IMMP2L: variants seen among roughly 807,000 people sequenced by gnomAD.
IMMP2L encodes the protein mitochondrial inner membrane protease subunit 2.
In IMMP2L, 18 loss-of-function variants were observed where a neutral mutation model predicts 19.3. That is an observed-to-expected ratio of 0.93 (90% CI 0.64 to 1.38). The LOEUF is 1.38. Among genes scored for constraint, IMMP2L ranks in the 40% most tolerant of loss-of-function variants. IMMP2L has a pLI of 0.00. For synonymous variants in IMMP2L, 76 were observed against 73.0 expected, an observed-to-expected ratio of 1.04 and a Z score of -0.21; for missense variants, 233 against 218.2, an observed-to-expected ratio of 1.07 and a Z score of -0.43.
At chr7:110,889,324 G>A (rs1316383317) in intron 4 of IMMP2L, among the ~76,000 whole-genome samples, 3 of 152,130 alleles carry the variant, frequency 2.0e-5, no homozygotes, top group Non-Finnish European at 4.4e-5. Context: ...ATCAGTGGGA[G>A]TCCTGAGCTT....
intron 3 of IMMP2L, among the ~76,000 whole-genome samples, chr7:111,043,678 T>G (rs915575712): frequency 1.3e-5 from 2 of 152,214 alleles, no homozygotes; most frequent in East Asian, 3.8e-4. Flanking sequence ...GATATAATAG[T>G]TTTTTAGTCT....
intron 3 of IMMP2L, among the ~76,000 whole-genome samples, chr7:111,182,129 C>G (rs951692751): frequency 4.6e-5 from 7 of 151,978 alleles, no homozygotes; most frequent in African/African-American, 1.7e-4. Flanking sequence ...AAGACTCTTA[C>G]TCTTTTTCTT....
intron 3 of IMMP2L, among the ~76,000 whole-genome samples, chr7:111,250,838 G>C (rs1472205294): frequency 6.6e-6 from 1 of 152,076 alleles, no homozygotes; most frequent in African/African-American, 2.4e-5. Flanking sequence ...TCAGGACATA[G>C]GCAAAGGCAA....
At chr7:111,391,591 C>T (rs1386182710) in intron 3 of IMMP2L, among the ~76,000 whole-genome samples, 2 of 152,132 alleles carry the variant, frequency 1.3e-5, no homozygotes, top group Admixed American at 1.3e-4. Flanking sequence ...ATCTAGGATT[C>T]TACACTCAGA....
intron 3 of IMMP2L, among the ~76,000 whole-genome samples, chr7:111,148,767 T>G (rs566803815): frequency 1.4e-4 from 21 of 152,020 alleles, no homozygotes; most frequent in South Asian, 4.2e-4. Context: ...TGTGTGTGTG[T>G]GGGTCTGTGT....
intron 3 of IMMP2L, chr7:111,392,841 G>A (rs1203277650): frequency 2.2e-6 from 1 of 456,516 alleles, no homozygotes; most frequent in African/African-American, 2.0e-5. Context: ...TGAAGAGCCA[G>A]ATGAGGAGGT....
chr7:111,094,639 T>C (rs1381453652), intron 3 of IMMP2L, among the ~76,000 whole-genome samples: 1 of 152,138 alleles, frequency 6.6e-6, no homozygotes, highest in Non-Finnish European at 1.5e-5. Flanking sequence ...AATGAGTACT[T>C]AGGAAAGCTT....
chr7:111,439,655 A>G (rs1430113982), intron 3 of IMMP2L, among the ~76,000 whole-genome samples: 2 of 152,058 alleles, frequency 1.3e-5, no homozygotes, highest in East Asian at 1.9e-4. Context: ...TCTTGCCTCA[A>G]TGTTGATGGC....
intron 3 of IMMP2L, among the ~76,000 whole-genome samples, chr7:111,242,686 G>A (rs943302867): frequency 6.6e-6 from 1 of 151,746 alleles, no homozygotes. Context: ...ACTGAATGCT[G>A]GACATCTCAG....
At chr7:110,834,795 G>C (rs542416715) in intron 5 of IMMP2L, among the ~76,000 whole-genome samples, 1 of 152,128 alleles carries the variant, frequency 6.6e-6, no homozygotes, top group East Asian at 1.9e-4. Context: ...AAATTTAACT[G>C]AAAGAATTGG....
At chr7:110,700,941 AGTATATT>A (rs1794242750) in intron 5 of IMMP2L, among the ~76,000 whole-genome samples, 1 of 152,214 alleles carries the variant, frequency 6.6e-6, no homozygotes, top group Non-Finnish European at 1.5e-5. Context: ...GAATATTTGC[AGTATATT>A]TATATCCATT....
At chr7:111,063,420 G>T (rs1178026608) in intron 3 of IMMP2L, among the ~76,000 whole-genome samples, 2 of 152,176 alleles carry the variant, frequency 1.3e-5, no homozygotes, top group Non-Finnish European at 2.9e-5. Context: ...GGGACAGGCT[G>T]CTGTGAAGAC....
intron 3 of IMMP2L, among the ~76,000 whole-genome samples, chr7:110,989,748 T>G (rs2129559388): frequency 6.6e-6 from 1 of 151,636 alleles, no homozygotes; most frequent in East Asian, 1.9e-4. Flanking sequence ...AAAACAAAAT[T>G]AAAAATATGT....
At chr7:111,324,249 A>G (rs1271377528) in intron 3 of IMMP2L, among the ~76,000 whole-genome samples, 1 of 152,020 alleles carries the variant, frequency 6.6e-6, no homozygotes, top group African/African-American at 2.4e-5. Context: ...CCAAAAACAC[A>G]AAGTGAAAAA....
intron 5 of IMMP2L, among the ~76,000 whole-genome samples, chr7:110,819,129 G>GA (rs1370076360): frequency 9.3e-5 from 14 of 150,848 alleles, no homozygotes; most frequent in East Asian, 2.0e-4. Context: ...ATAAAAAAAA[G>GA]AAAAAAAAAT....
chr7:111,099,442 CT>C (rs1797739580), intron 3 of IMMP2L, among the ~76,000 whole-genome samples: 1 of 151,690 alleles, frequency 6.6e-6, no homozygotes, highest in Non-Finnish European at 1.5e-5. Flanking sequence ...CTGTAATTTG[CT>C]TTTCAAACTG....
chr7:111,530,049 A>C (rs1847244836), intron 1 of IMMP2L, among the ~76,000 whole-genome samples: 2 of 152,164 alleles, frequency 1.3e-5, no homozygotes. Flanking sequence ...TGCTCTTCAG[A>C]AGCAGCATCA....
chr7:111,543,149 A>C (rs959471369), intron 1 of IMMP2L, among the ~76,000 whole-genome samples: 9 of 152,188 alleles, frequency 5.9e-5, no homozygotes, highest in African/African-American at 2.2e-4. Flanking sequence ...TTTAAAGCAT[A>C]ATCTTTATGT....
intron 5 of IMMP2L, among the ~76,000 whole-genome samples, chr7:110,747,020 G>C (rs1797393869): frequency 6.6e-6 from 1 of 151,944 alleles, no homozygotes; most frequent in Non-Finnish European, 1.5e-5. Flanking sequence ...GACTAATAAA[G>C]AAACAAGAGA....
Sources: gnomAD v4.1 joint callset for allele counts (sites outside exome capture counted in the v4.1 genomes callset) on GRCh38, gnomAD v4.1.1 for gene constraint, MANE v1.5 for transcripts, NCBI Gene and HGNC (gene_info 2026-07-23, HGNC 2026-07-21) for gene names.